Variants in SLC28A3 observed in about 807,000 individuals in gnomAD.
SLC28A3 encodes the protein solute carrier family 28 member 3.
A neutral mutation model predicts 84.2 loss-of-function variants in SLC28A3; 68 were observed. The observed-to-expected ratio is 0.81, with a 90% CI of 0.66 to 0.99. The LOEUF is 0.99. Among genes scored for constraint, SLC28A3 ranks in the 50% least tolerant of loss-of-function variants. SLC28A3 has a pLI of 0.00. For missense variants in SLC28A3, 712 were observed against 841.5 expected (o/e 0.85, Z 1.90); for synonymous variants, 267 against 303.6 (o/e 0.88, Z 1.25).
chr9:84,287,548 G>T (rs1446513933), intron 12 of SLC28A3, among the ~76,000 whole-genome samples: 2 of 152,128 alleles, frequency 1.3e-5, no homozygotes, highest in Admixed American at 1.3e-4. Context: ...ATATGGAAAT[G>T]TATTGACATT....
chr9:84,314,193 G>A (rs4877840), intron 1 of SLC28A3, among the ~76,000 whole-genome samples: 69,922 of 151,966 alleles, frequency 0.46, 19,632 homozygotes, highest in African/African-American at 0.78. Flanking sequence ...GGCAGTAATG[G>A]TCATAAGAAA....
chr9:84,359,610 A>G, the SLC28A3 span, among the ~76,000 whole-genome samples: 1 of 152,206 alleles, frequency 6.6e-6, no homozygotes, highest in Non-Finnish European at 1.5e-5. Context: ...ATCAAAGTTT[A>G]AAAAAGGATT....
intron 16 of SLC28A3, 54 bp downstream of exon 16, chr9:84,279,921 G>A: frequency 6.4e-7 from 1 of 1,569,622 alleles, no homozygotes; most frequent in Non-Finnish European, 8.7e-7. Flanking sequence ...TGCCTGTCCT[G>A]AAAGCTGCCA....
the SLC28A3 span, among the ~76,000 whole-genome samples, chr9:84,346,508 G>A: frequency 6.6e-6 from 1 of 152,138 alleles, no homozygotes; most frequent in African/African-American, 2.4e-5. Flanking sequence ...TTCATGTAGT[G>A]CAGATTAACC....
intron 5 of SLC28A3, among the ~76,000 whole-genome samples, chr9:84,300,416 T>C (rs1825582577): frequency 6.6e-6 from 1 of 152,182 alleles, no homozygotes; most frequent in Admixed American, 6.5e-5. Flanking sequence ...ACTTGGAATA[T>C]GTTATCTGCC....
At chr9:84,313,868 G>GAAAA (rs754131148) in intron 1 of SLC28A3, among the ~76,000 whole-genome samples, 33 of 125,576 alleles carry the variant, frequency 2.6e-4, no homozygotes, top group African/African-American at 9.0e-4. Flanking sequence ...GACTCTACCT[G>GAAAA]AAAAAAAAAA....
chr9:84,364,357 A>G, the SLC28A3 span, among the ~76,000 whole-genome samples: 1 of 151,992 alleles, frequency 6.6e-6, no homozygotes, highest in Non-Finnish European at 1.5e-5. Context: ...TCAGCCTCCC[A>G]AATGCTGGGA....
At chr9:84,352,472 T>C in the SLC28A3 span, among the ~76,000 whole-genome samples, 29 of 152,120 alleles carry the variant, frequency 1.9e-4, no homozygotes, top group Non-Finnish European at 2.9e-5. Flanking sequence ...CATGAGCCAC[T>C]GCACCCAGCC....
At chr9:84,362,181 A>C in the SLC28A3 span, among the ~76,000 whole-genome samples, 1 of 152,158 alleles carries the variant, frequency 6.6e-6, no homozygotes, top group African/African-American at 2.4e-5. Context: ...TTCGAACTTT[A>C]ACAATTGGGA....
At chr9:84,282,345 A>G (rs1824789148) in intron 14 of SLC28A3, among the ~76,000 whole-genome samples, 1 of 152,002 alleles carries the variant, frequency 6.6e-6, no homozygotes, top group African/African-American at 2.4e-5. Flanking sequence ...AGTTGTGGTT[A>G]CACAGGTGAC....
upstream of SLC28A3, among the ~76,000 whole-genome samples, chr9:84,342,266 C>T (rs1265534143): frequency 6.8e-6 from 1 of 146,910 alleles, no homozygotes; most frequent in Non-Finnish European, 1.5e-5. Context: ...GCTGAGTTTT[C>T]TATAAAGAGA....
chr9:84,302,274 T>A lies in SLC28A3; in HGVS notation c.450A>T (p.Lys150Asn). Residue 150 changes from lysine (K) to asparagine (N), a missense_variant, in exon 5 of 18, where the codon AAA (lysine) becomes AAT (asparagine). By Grantham distance (94) the Lys-to-Asn change is moderately conservative. Coordinates refer to ENST00000376238, the MANE Select transcript of SLC28A3 (RefSeq NM_001199633.2). ...GCATCTCATCAATTCGATGTTCGTA[T>A]TTGGCCATCAGGTGATCCCAGACAA... Reference protein sequence around the residue: ...FFVVWDHLMAKYEHRIDEMLS... With the variant: ...FFVVWDHLMANYEHRIDEMLS... 6.2e-7 allele frequency: 1 copy of A among 1,614,192 alleles called. No individual in the cohort carries two copies. Among genetic ancestry groups the A allele is most frequent in the Middle Eastern group, 1.6e-4 (1 of 6,062 alleles).
the SLC28A3 span, among the ~76,000 whole-genome samples, chr9:84,347,877 G>C: frequency 1.3e-5 from 2 of 152,138 alleles, no homozygotes; most frequent in African/African-American, 4.8e-5. Context: ...GGTACACAAA[G>C]GAAGAAAACT....
chr9:84,340,750 C>A lies in SLC28A3; in HGVS notation c.-117G>T. On this transcript the variant is annotated 5_prime_UTR_variant, in exon 1 of 18. Transcript: ENST00000376238. ...GTTACAGGGACCTGGGCACAGCTTG[C>A]TTCAGTTTGGAAACTTCTGCAATAA... is the stretch of plus-strand genomic sequence containing the variant. 8.6e-7 allele frequency: 1 copy of A among 1,156,480 alleles called. No individual in the cohort carries two copies. The highest frequency in any genetic ancestry group is 1.2e-6 in the Non-Finnish European group (1 of 802,330). 71.6% of individuals were successfully genotyped at this position (1,156,480 alleles called of 1,614,324 possible).
Position 84,280,578 on chromosome 9 carries a change from C to A in SLC28A3, c.1729+223G>T, listed in dbSNP as rs142617210. On this transcript the variant is annotated intron_variant, in intron 15 of 17. Coordinates refer to ENST00000376238, the MANE Select transcript of SLC28A3 (RefSeq NM_001199633.2). ...GTGAAGCCTACAGGTCACCCCTGGG[C>A]TGGGAGAAGCATCTGTATGTTTGAG... Among the ~76,000 whole-genome samples, 223 of 152,236 alleles carry A rather than the reference C, an allele frequency of 1.5e-3. 6 individuals carry two copies. In the East Asian group the frequency reaches 0.033, roughly 22 times the overall value.
At chr9:84,364,382 C>A in the SLC28A3 span, among the ~76,000 whole-genome samples, 1 of 152,102 alleles carries the variant, frequency 6.6e-6, no homozygotes, top group African/African-American at 2.4e-5. Context: ...AGGCATGAGT[C>A]ACCACGCCTG....
rs1825450919 is a variant in SLC28A3 at position 84,297,257 on chromosome 9, A to G, written c.825T>C (p.Phe275=). ...AGAAGTGGTCTTTGTATTTCTCACC[A>G]AAGACAAATGAAGCACCAGCATCTG... ...EYTDAGASFV[F]GEKYKDHFFA... The change falls in exon 8 of 18, where the codon TTT becomes TTC. Residue 275 remains phenylalanine (F), a synonymous_variant. Coordinates refer to ENST00000376238, the MANE Select transcript of SLC28A3 (RefSeq NM_001199633.2). 6.2e-7 allele frequency: 1 copy of G among 1,613,576 alleles called. No homozygotes were observed. Among genetic ancestry groups the G allele is most frequent in the South Asian group, 1.1e-5 (1 of 90,994 alleles).
chr9:84,332,568 G>A (rs1826831033), intron 1 of SLC28A3, among the ~76,000 whole-genome samples: 1 of 152,078 alleles, frequency 6.6e-6, no homozygotes, highest in Non-Finnish European at 1.5e-5. Flanking sequence ...ACTACCAGAA[G>A]GAAAAACTGA....
chr9:84,309,376 A>AAAAATACAT (rs1825904383), intron 3 of SLC28A3, among the ~76,000 whole-genome samples: 3 of 151,872 alleles, frequency 2.0e-5, no homozygotes, highest in Non-Finnish European at 4.4e-5. Flanking sequence ...TACAAAAATT[A>AAAAATACAT]GCCAGGCGTG....
Sources: gnomAD v4.1 joint callset for allele counts (sites outside exome capture counted in the v4.1 genomes callset) on GRCh38, gnomAD v4.1.1 for gene constraint, MANE v1.5 for transcripts, NCBI Gene and HGNC (gene_info 2026-07-23, HGNC 2026-07-21) for gene names.